The following FREM2 variants were observed in gnomAD, a reference collection of about 807,000 sequenced individuals.
FREM2 encodes FRAS1 related extracellular matrix 2.
A neutral mutation model predicts 219.9 loss-of-function variants in FREM2; 119 were observed. The ratio of observed to expected loss-of-function variants is 0.54; its 90% CI spans 0.47 to 0.63. FREM2 has a LOEUF of 0.63. FREM2 is among the 30% of genes least tolerant of loss of function. FREM2 has a pLI of 0.00. For missense variants in FREM2, 4,030 were observed against 3,993.6 expected, an observed-to-expected ratio of 1.01 and a Z score of -0.25; for synonymous variants, 1,562 against 1,522.8, an observed-to-expected ratio of 1.03 and a Z score of -0.60.
chr13:38,816,586 A>G (rs767560925), intron 6 of FREM2, among the ~76,000 whole-genome samples: 4 of 152,228 alleles, frequency 2.6e-5, no homozygotes, highest in Admixed American at 1.3e-4. Context: ...CAATGCAGTA[A>G]CAGCCATATA....
chr13:38,859,688 T>C (rs2137920873), intron 14 of FREM2, 98 bp downstream of exon 14: 3 of 1,126,748 alleles, frequency 2.7e-6, no homozygotes, highest in Admixed American at 2.0e-5. Context: ...GTCCCACATA[T>C]TCCATATATT....
At chr13:38,750,920 ATGACCTTAGGTGATC>A (rs1872725272) in intron 2 of FREM2, among the ~76,000 whole-genome samples, 2 of 152,220 alleles carry the variant, frequency 1.3e-5, no homozygotes, top group South Asian at 4.2e-4. Context: ...TCTTGAACTC[ATGACCTTAGGTGATC>A]TGCCTGCCTT....
rs1049914258 is a variant in FREM2, at chr13:38,805,579, G to T, written c.6019+20771G>T. On this transcript the variant is annotated intron_variant, in intron 6 of 23. Transcript: ENST00000280481. ...GAGATTTATAAGTCACATGTCTGAT[G>T]GTGGCAGTTGAAATAAGGAGGGTAG... Among the ~76,000 whole-genome samples the T allele has an allele frequency of 5.2e-4, 79 of 151,918 alleles. 1 individual carries two copies. Among genetic ancestry groups the T allele is most frequent in the African/African-American group, 1.7e-3 (70 of 41,438 alleles).
chr13:38,690,925 T>G lies in FREM2; in HGVS notation c.3581T>G (p.Phe1194Cys), dbSNP rs1196519398. ...ACCAATGATGAACAGCCAGAGATGT[T>G]TATGAGAGAATTTATGGTGATGGAA... ...IPTNDEQPEM[F>C]MREFMVMEGM... Residue 1194 changes from phenylalanine (F) to cysteine (C), a missense_variant, in exon 1 of 24, where the codon TTT (phenylalanine) becomes TGT (cysteine). This residue lies in a region of FREM2 where 3,102 missense variants were observed against 2,950.7 expected (regional missense o/e 1.05). Coordinates refer to ENST00000280481, the MANE Select transcript of FREM2 (RefSeq NM_207361.6). The G allele has an allele frequency of 6.2e-7, 1 of 1,614,002 alleles. No individual in the cohort carries two copies. Among genetic ancestry groups the G allele is most frequent in the Non-Finnish European group, 8.5e-7 (1 of 1,180,020 alleles).
intron 6 of FREM2, among the ~76,000 whole-genome samples, chr13:38,843,741 A>G (rs946287494): frequency 6.6e-6 from 1 of 152,192 alleles, no homozygotes; most frequent in Non-Finnish European, 1.5e-5. Flanking sequence ...ACAATATTCA[A>G]ATTGTAGATA....
chr13:38,695,705 A>C (rs1402598247), intron 1 of FREM2, among the ~76,000 whole-genome samples: 2 of 152,180 alleles, frequency 1.3e-5, no homozygotes, highest in East Asian at 3.9e-4. Context: ...TTACTGATAA[A>C]GTGAAGGTTA....
At chr13:38,797,987 G>A (rs1369679288) in intron 6 of FREM2, among the ~76,000 whole-genome samples, 2 of 152,022 alleles carry the variant, frequency 1.3e-5, no homozygotes, top group African/African-American at 2.4e-5. Flanking sequence ...CCTGATTGCT[G>A]TGGGGAGGAC....
At chr13:38,766,535 A>G (rs968210920) in intron 3 of FREM2, among the ~76,000 whole-genome samples, 2 of 152,038 alleles carry the variant, frequency 1.3e-5, no homozygotes, top group African/African-American at 4.8e-5. Context: ...TACGTTGCTT[A>G]TAACTGTGCC....
chr13:38,773,598 G>T (rs956418398), intron 4 of FREM2, among the ~76,000 whole-genome samples: 2 of 151,934 alleles, frequency 1.3e-5, no homozygotes, highest in Admixed American at 1.3e-4. Context: ...TTTTTTGATT[G>T]GTTGTTTTTT....
chr13:38,689,370 G>A lies in FREM2; in HGVS notation c.2026G>A (p.Asp676Asn). 6.2e-7 allele frequency: 1 copy of A among 1,614,092 alleles called. No individual in the cohort carries two copies. Among genetic ancestry groups the A allele is most frequent in the Non-Finnish European group, 8.5e-7 (1 of 1,180,026 alleles). The change falls in exon 1 of 24, where the codon GAT becomes AAT. Residue 676 changes from aspartate to asparagine, a missense_variant. Transcript: ENST00000280481. ...AGACCAGTTCACATTTAGAGTCCAGGATAACCATGACCCTCCTAATCAGTC... is the reference window on the plus strand; with the variant it reads ...AGACCAGTTCACATTTAGAGTCCAGAATAACCATGACCCTCCTAATCAGTC... ...VTDQFTFRVQDNHDPPNQSGL... is the reference protein window; with the variant it reads ...VTDQFTFRVQNNHDPPNQSGL...
chr13:38,688,555 A>G lies in FREM2; in HGVS notation c.1211A>G (p.Gln404Arg). 6.2e-7 allele frequency: 1 copy of G among 1,613,676 alleles called. No individual in the cohort carries two copies. The highest frequency in any genetic ancestry group is 1.3e-5 in the African/African-American group (1 of 75,034). ...CAGCCCCCTTCTGAAGACTCTGACCAGGAGCGCCTCTTTGAACTGGAATTG... is the reference window on the plus strand; with the variant it reads ...CAGCCCCCTTCTGAAGACTCTGACCGGGAGCGCCTCTTTGAACTGGAATTG... The part of the protein sequence containing the change: ...AYQPPSEDSD[Q>R]ERLFELELEV... The change falls in exon 1 of 24, where the codon CAG (glutamine) becomes CGG (arginine). Residue 404 changes from glutamine (Q) to arginine (R), a missense_variant. Coordinates refer to ENST00000280481, the MANE Select transcript of FREM2 (RefSeq NM_207361.6).
Position 38,812,318 on chromosome 13 carries a change from A to T in FREM2, c.6019+27510A>T, listed in dbSNP as rs183595481. Among the ~76,000 whole-genome samples the T allele has an allele frequency of 1.2e-4, 19 of 152,016 alleles. No homozygotes were observed. The East Asian group carries it at 3.7e-3, about 29-fold the overall frequency. On this transcript the variant is annotated intron_variant, in intron 6 of 23. Transcript: ENST00000280481. Reference sequence around the variant, plus strand: ...TTAAGGTTATTATTGATAAGTAGGGACTTACTCCTGCCATTTTGTTATTTG... The same window carrying T: ...TTAAGGTTATTATTGATAAGTAGGGTCTTACTCCTGCCATTTTGTTATTTG...
At chr13:38,817,257 A>T (rs1443849325) in intron 6 of FREM2, among the ~76,000 whole-genome samples, 1 of 152,150 alleles carries the variant, frequency 6.6e-6, no homozygotes, top group African/African-American at 2.4e-5. Flanking sequence ...AACCAAAGCA[A>T]TCCTGTGCAA....
At chr13:38,815,481 A>AAATT (rs1383944087) in intron 6 of FREM2, among the ~76,000 whole-genome samples, 2 of 152,226 alleles carry the variant, frequency 1.3e-5, no homozygotes, top group African/African-American at 4.8e-5. Flanking sequence ...GAAATAAAAG[A>AAATT]AGACAAAATT....
intron 2 of FREM2, among the ~76,000 whole-genome samples, chr13:38,726,426 G>C (rs1871527006): frequency 6.6e-6 from 1 of 152,196 alleles, no homozygotes; most frequent in Non-Finnish European, 1.5e-5. Flanking sequence ...GAATTAGCTA[G>C]CCTTAAGAAG....
chr13:38,868,896 C>T (rs2137930061), intron 16 of FREM2, among the ~76,000 whole-genome samples: 1 of 152,338 alleles, frequency 6.6e-6, no homozygotes, highest in Non-Finnish European at 1.5e-5. Context: ...ACCATCAGCA[C>T]AGACTCCATG....
chr13:38,784,814 T>A lies in FREM2; in HGVS notation c.6019+6T>A. ...CGTTCCTGACAAAGATGATGGTGAG[T>A]ACTAATTTACTTGAAAATTCTTTTT... On this transcript the variant is annotated splice_donor_region_variant and intron_variant, in intron 6 of 23. Transcript: ENST00000280481. 1 of 1,613,808 alleles carries A rather than the reference T, an allele frequency of 6.2e-7. No individual in the cohort carries two copies.
intron 2 of FREM2, among the ~76,000 whole-genome samples, chr13:38,707,420 G>T (rs1870585058): frequency 6.6e-6 from 1 of 152,108 alleles, no homozygotes; most frequent in Non-Finnish European, 1.5e-5. Context: ...GCTAAGCTTA[G>T]AAAATAGCAG....
chr13:38,839,721 C>A (rs1425642331), intron 6 of FREM2, among the ~76,000 whole-genome samples: 2 of 152,140 alleles, frequency 1.3e-5, no homozygotes, highest in Non-Finnish European at 2.9e-5. Flanking sequence ...GGGCTCCACC[C>A]AGTTTGAGCT....
Sources: gnomAD v4.1 joint callset for allele counts (sites outside exome capture counted in the v4.1 genomes callset) on GRCh38, gnomAD v4.1.1 for gene constraint, gnomAD v4.1.1 regional missense constraint, MANE v1.5 for transcripts, NCBI Gene and HGNC (gene_info 2026-07-23, HGNC 2026-07-21) for gene names.